The following MEMO1 variants were observed in gnomAD, a reference collection of about 807,000 sequenced individuals.
The protein encoded by MEMO1 is protein MEMO1.
In MEMO1, 6 loss-of-function variants were observed where a neutral mutation model predicts 45.2. The observed-to-expected ratio is 0.13, with a 90% CI of 0.07 to 0.26. MEMO1 has a LOEUF of 0.26. Ranked by LOEUF, MEMO1 falls within the 10% of genes least tolerant of loss-of-function variation. MEMO1 has a pLI of 1.00. For synonymous variants in MEMO1, 78 were observed against 124.3 expected (o/e 0.63, Z 2.48); for missense variants, 184 against 370.5 (o/e 0.50, Z 4.13).
At chr2:31,869,450 T>C (rs1673341035) in intron 9 of MEMO1, among the ~76,000 whole-genome samples, 3 of 152,112 alleles carry the variant, frequency 2.0e-5, no homozygotes, top group Non-Finnish European at 4.4e-5. Flanking sequence ...TTTATTACAT[T>C]ATGAACATTT....
chr2:31,874,165 T>C lies in MEMO1; in HGVS notation c.658-4213A>G, dbSNP rs1470039550. 2.0e-5 allele frequency among the ~76,000 whole-genome samples: 3 copies of C among 152,116 alleles called. 1 individual carries two copies. The highest frequency in any genetic ancestry group is 4.1e-4 in the South Asian group (2 of 4,832). On this transcript the variant is annotated intron_variant, in intron 8 of 9. Coordinates refer to ENST00000404530, the MANE Select transcript of MEMO1 (RefSeq NM_001301833.4). Reference sequence around the variant, plus strand: ...TTTGCCAATGTCCATAATGAAACACTGGTCTACACCAAAAAAAGTAGTATA... The same window carrying C: ...TTTGCCAATGTCCATAATGAAACACCGGTCTACACCAAAAAAAGTAGTATA...
At chr2:31,941,316 A>C (rs1457106269) in intron 3 of MEMO1, among the ~76,000 whole-genome samples, 1 of 152,150 alleles carries the variant, frequency 6.6e-6, no homozygotes, top group African/African-American at 2.4e-5. Context: ...TCCCTCAGCT[A>C]TCTGCACAGC....
intron 6 of MEMO1, among the ~76,000 whole-genome samples, chr2:31,894,629 G>A (rs990209503): frequency 6.6e-6 from 1 of 152,122 alleles, no homozygotes; most frequent in Non-Finnish European, 1.5e-5. Flanking sequence ...CACACAAAAC[G>A]CAGGCTGAGA....
intron 8 of MEMO1, among the ~76,000 whole-genome samples, chr2:31,874,687 A>G (rs531594985): frequency 7.9e-5 from 12 of 152,152 alleles, no homozygotes; most frequent in East Asian, 1.9e-4. Flanking sequence ...TCCAAAATGT[A>G]TATTATTGGA....
At chr2:31,988,164 G>C (rs1289863332) in intron 2 of MEMO1, among the ~76,000 whole-genome samples, 1 of 152,160 alleles carries the variant, frequency 6.6e-6, no homozygotes, top group African/African-American at 2.4e-5. Context: ...GGACCTTTCA[G>C]AAGGTCCTCC....
chr2:31,943,666 ATATT>A (rs903154502), intron 2 of MEMO1, among the ~76,000 whole-genome samples: 1 of 152,224 alleles, frequency 6.6e-6, no homozygotes, highest in African/African-American at 2.4e-5. Flanking sequence ...AGTTGAGGCA[ATATT>A]TAAACAAAAT....
At chr2:31,944,268 TC>T (rs1269859292) in intron 2 of MEMO1, among the ~76,000 whole-genome samples, 4 of 152,340 alleles carry the variant, frequency 2.6e-5, no homozygotes, top group Admixed American at 1.3e-4. Flanking sequence ...GAATCTGCTC[TC>T]CTATCTTTAA....
intron 2 of MEMO1, among the ~76,000 whole-genome samples, chr2:31,965,198 G>A (rs1377694957): frequency 6.6e-6 from 1 of 151,104 alleles, no homozygotes. Context: ...GGGCAACAAG[G>A]GCGAAACTCC....
chr2:31,953,568 G>A (rs908972133), intron 2 of MEMO1, among the ~76,000 whole-genome samples: 2 of 151,402 alleles, frequency 1.3e-5, no homozygotes, highest in African/African-American at 4.9e-5. Context: ...CAACTATCCT[G>A]CCTCAGTCTC....
At chr2:31,946,500 T>C (rs1054779816) in intron 2 of MEMO1, among the ~76,000 whole-genome samples, 1 of 152,048 alleles carries the variant, frequency 6.6e-6, no homozygotes, top group African/African-American at 2.4e-5. Flanking sequence ...TAAGGAAAAA[T>C]AAGTTACGTG....
At position 31,990,770 on chromosome 2, in the gene MEMO1, T is replaced by C. The variant is rs530332582; in HGVS notation, c.61+19417A>G. 4.6e-5 allele frequency among the ~76,000 whole-genome samples: 7 copies of C among 152,104 alleles called. No homozygotes were observed. The East Asian group carries it at 1.4e-3, about 29-fold the overall frequency. On this transcript the variant is annotated intron_variant, in intron 2 of 9. Transcript: ENST00000404530. ...CTGATTTGATATCTAGTGATATACA[T>C]AACCCACATAAATAAAAACTCTTTA... is the stretch of plus-strand genomic sequence containing the variant.
intron 1 of MEMO1, 96 bp downstream of exon 1, chr2:32,010,846 G>C (rs1254599898): frequency 6.6e-6 from 1 of 152,428 alleles, no homozygotes; most frequent in Non-Finnish European, 1.5e-5. Context: ...GCCCCGCGAG[G>C]AGGCAGTGGC....
chr2:31,933,335 AAAAAAAAAAAAAAATTTATAT>A (rs1326809520), intron 3 of MEMO1, among the ~76,000 whole-genome samples: 4 of 63,776 alleles, frequency 6.3e-5, no homozygotes. Context: ...AAAAAAAAAA[AAAAAAAAAAAAAAATTTATAT>A]ATATATATAT....
chr2:31,932,230 AAC>A, intron 3 of MEMO1, 95 bp from the exon 4 acceptor site: 1 of 973,028 alleles, frequency 1.0e-6, no homozygotes, highest in Non-Finnish European at 1.6e-6. Flanking sequence ...ACCTATGGTA[AAC>A]ACAACAGAAT....
chr2:31,872,757 C>A (rs531671613), intron 8 of MEMO1, among the ~76,000 whole-genome samples: 1 of 152,084 alleles, frequency 6.6e-6, no homozygotes, highest in South Asian at 2.1e-4. Flanking sequence ...CTTAGTAGTG[C>A]AAAAATTAAT....
intron 6 of MEMO1, among the ~76,000 whole-genome samples, chr2:31,902,544 A>T (rs1679019096): frequency 6.6e-6 from 1 of 152,176 alleles, no homozygotes; most frequent in African/African-American, 2.4e-5. Context: ...TACTATCCTA[A>T]GCCTCAATTT....
At chr2:31,936,894 G>T (rs1664981158) in intron 3 of MEMO1, among the ~76,000 whole-genome samples, 1 of 152,180 alleles carries the variant, frequency 6.6e-6, no homozygotes, top group South Asian at 2.1e-4. Context: ...AAAATAAAAA[G>T]ATTGAACTAG....
At chr2:31,917,704 T>C (rs895007450) in intron 6 of MEMO1, among the ~76,000 whole-genome samples, 1 of 152,206 alleles carries the variant, frequency 6.6e-6, no homozygotes, top group African/African-American at 2.4e-5. Context: ...ATGGGTTTTT[T>C]AATACTTCCA....
chr2:31,962,037 T>C (rs1454943555), intron 2 of MEMO1, among the ~76,000 whole-genome samples: 2 of 151,920 alleles, frequency 1.3e-5, no homozygotes, highest in African/African-American at 2.4e-5. Context: ...ATGAAGAGGA[T>C]AAACTCAATT....
Sources: gnomAD v4.1 joint callset for allele counts (sites outside exome capture counted in the v4.1 genomes callset) on GRCh38, gnomAD v4.1.1 for gene constraint, MANE v1.5 for transcripts, NCBI Gene and HGNC (gene_info 2026-07-23, HGNC 2026-07-21) for gene names.